PPP3CA: variants seen among roughly 807,000 people sequenced by gnomAD.
The protein encoded by PPP3CA is protein phosphatase 3 catalytic subunit alpha.
PPP3CA carries 14 observed loss-of-function variants against 66.5 expected under a neutral mutation model. The observed-to-expected ratio is 0.21, with a 90% CI of 0.14 to 0.33. The LOEUF is 0.33. Among genes scored for constraint, PPP3CA ranks in the 10% least tolerant of loss-of-function variants. The pLI is 1.00. For missense variants in PPP3CA, 317 were observed against 639.5 expected (o/e 0.50, Z 5.44); for synonymous variants, 232 against 226.2 (o/e 1.03, Z -0.23).
At chr4:101,296,103 T>A (rs1403372685) in intron 1 of PPP3CA, among the ~76,000 whole-genome samples, 1 of 152,180 alleles carries the variant, frequency 6.6e-6, no homozygotes, top group South Asian at 2.1e-4. Context: ...AACCTTAGAA[T>A]TATATATATG....
At chr4:101,217,949 C>T (rs970757065) in intron 1 of PPP3CA, among the ~76,000 whole-genome samples, 9 of 151,942 alleles carry the variant, frequency 5.9e-5, no homozygotes. Flanking sequence ...ACAGAGGCCC[C>T]GAGTGACGCT....
At chr4:101,226,226 G>C (rs1725778204) in intron 1 of PPP3CA, among the ~76,000 whole-genome samples, 1 of 151,624 alleles carries the variant, frequency 6.6e-6, no homozygotes. Flanking sequence ...ATCTTCCCTA[G>C]TTTCCAGTTA....
intron 1 of PPP3CA, among the ~76,000 whole-genome samples, chr4:101,229,694 T>C (rs933265629): frequency 2.0e-5 from 3 of 151,574 alleles, no homozygotes; most frequent in Non-Finnish European, 4.4e-5. Flanking sequence ...CTATAACCCT[T>C]GGGCCAAATG....
chr4:101,261,310 A>C (rs539678892), intron 1 of PPP3CA, among the ~76,000 whole-genome samples: 1 of 152,218 alleles, frequency 6.6e-6, no homozygotes, highest in Admixed American at 6.5e-5. Flanking sequence ...CAATCACAGT[A>C]TTGAAAGTAT....
rs371279484 is a variant in PPP3CA, at chr4:101,069,715, TCTC to T, written c.956-6361_956-6359del. On this transcript the variant is annotated intron_variant, in intron 8 of 13. Transcript: ENST00000394854. ...AAGACCAACCCCTCTTCCTCTTCCT[TCTC>T]CTCAGCCTGCTCAACATGAAGAAGA... Among the ~76,000 whole-genome samples, 861 of 152,222 alleles carry T rather than the reference TCTC, an allele frequency of 5.7e-3. 11 individuals are homozygous for T. The highest frequency in any genetic ancestry group is 0.019 in the African/African-American group (800 of 41,544).
intron 1 of PPP3CA, among the ~76,000 whole-genome samples, chr4:101,232,909 T>C (rs1726008377): frequency 6.6e-6 from 1 of 151,734 alleles, no homozygotes; most frequent in Admixed American, 6.6e-5. Context: ...CAGTAATAAA[T>C]GAAAAACACC....
At chr4:101,289,709 T>C (rs1365214942) in intron 1 of PPP3CA, among the ~76,000 whole-genome samples, 1 of 152,194 alleles carries the variant, frequency 6.6e-6, no homozygotes, top group Non-Finnish European at 1.5e-5. Context: ...TATGCATATA[T>C]GTGAGGTTGT....
intron 11 of PPP3CA, among the ~76,000 whole-genome samples, chr4:101,037,719 C>T (rs1050533158): frequency 2.6e-5 from 4 of 152,030 alleles, no homozygotes; most frequent in African/African-American, 7.3e-5. Flanking sequence ...TCTAATCTCA[C>T]GAAAATAATT....
intron 1 of PPP3CA, among the ~76,000 whole-genome samples, chr4:101,236,760 A>T (rs1311683007): frequency 6.6e-6 from 1 of 151,828 alleles, no homozygotes; most frequent in Non-Finnish European, 1.5e-5. Flanking sequence ...TGCTAAGAAA[A>T]TTTCTGGAGT....
At chr4:101,084,553 G>A (rs573153251) in intron 6 of PPP3CA, among the ~76,000 whole-genome samples, 152 of 151,702 alleles carry the variant, frequency 1.0e-3, no homozygotes, top group African/African-American at 3.6e-3. Context: ...TGAGGCAGGA[G>A]AATCGCTTGA....
intron 1 of PPP3CA, among the ~76,000 whole-genome samples, chr4:101,241,897 C>T (rs753200813): frequency 5.9e-5 from 9 of 152,054 alleles, no homozygotes; most frequent in Non-Finnish European, 1.0e-4. Flanking sequence ...TGTTACAGTA[C>T]ATGACCAAAA....
chr4:101,331,434 G>T (rs1240261093), intron 1 of PPP3CA, among the ~76,000 whole-genome samples: 1 of 152,162 alleles, frequency 6.6e-6, no homozygotes, highest in Non-Finnish European at 1.5e-5. Flanking sequence ...AGAATAATGT[G>T]CCAGGCATTG....
At chr4:101,251,877 A>G (rs1415759587) in intron 1 of PPP3CA, among the ~76,000 whole-genome samples, 2 of 152,112 alleles carry the variant, frequency 1.3e-5, no homozygotes, top group Non-Finnish European at 2.9e-5. Flanking sequence ...GTAGATACCA[A>G]AGGTACTGAC....
At chr4:101,040,130 C>T (rs1442409557) in intron 11 of PPP3CA, among the ~76,000 whole-genome samples, 1 of 151,942 alleles carries the variant, frequency 6.6e-6, no homozygotes, top group Non-Finnish European at 1.5e-5. Context: ...CATCTTTCAC[C>T]ACGAGCCAGA....
chr4:101,126,794 C>A (rs953660548), intron 2 of PPP3CA, among the ~76,000 whole-genome samples: 2 of 152,134 alleles, frequency 1.3e-5, no homozygotes, highest in African/African-American at 4.8e-5. Flanking sequence ...CTCAAAAACA[C>A]CTTACATAAG....
rs1724779012 is a variant in PPP3CA at position 101,196,049 on chromosome 4, A to C, written c.126T>G (p.Arg42=). 2 of 1,614,002 alleles carry C rather than the reference A, an allele frequency of 1.2e-6. No homozygotes were observed. Among genetic ancestry groups the C allele is most frequent in the South Asian group, 2.2e-5 (2 of 91,074 alleles). The change falls in exon 2 of 14, where the codon CGT becomes CGG. Residue 42 remains arginine, a synonymous_variant. Transcript: ENST00000394854. ...KEVFDNDGKP[R]VDILKAHLMK... Reference sequence around the variant, plus strand: ...TAAGATGCGCCTTTAAGATATCCACACGAGGTTTTCCATCATTATCAAACA... The same window carrying C: ...TAAGATGCGCCTTTAAGATATCCACCCGAGGTTTTCCATCATTATCAAACA...
chr4:101,316,950 A>C (rs1008446675), intron 1 of PPP3CA, among the ~76,000 whole-genome samples: 1 of 152,212 alleles, frequency 6.6e-6, no homozygotes, highest in African/African-American at 2.4e-5. Flanking sequence ...TACATTTCTT[A>C]CAAAATCTTC....
At position 101,322,452 on chromosome 4, in the gene PPP3CA, C is replaced by T. The variant is rs529774585; in HGVS notation, c.58+24287G>A. On this transcript the variant is annotated intron_variant, in intron 1 of 13. Transcript: ENST00000394854. ...TGAGACCAGAGTCCCACTCTGTCAC[C>T]CAGGCTGGAGTGCAATGGTGCAATC... Among the ~76,000 whole-genome samples the T allele has an allele frequency of 2.6e-5, 4 of 151,254 alleles. No individual in the cohort carries two copies. In the East Asian group the frequency reaches 7.8e-4, roughly 29 times the overall value.
intron 1 of PPP3CA, chr4:101,250,484 C>A: frequency 3.5e-6 from 1 of 289,146 alleles, no homozygotes; most frequent in Non-Finnish European, 6.9e-6. Context: ...AAGCTCTGTC[C>A]TTATCAAAGA....
Sources: gnomAD v4.1 joint callset for allele counts (sites outside exome capture counted in the v4.1 genomes callset) on GRCh38, gnomAD v4.1.1 for gene constraint, MANE v1.5 for transcripts, NCBI Gene and HGNC (gene_info 2026-07-23, HGNC 2026-07-21) for gene names.